The following ZNF7 variants were observed in gnomAD, a reference collection of about 807,000 sequenced individuals.
The protein encoded by ZNF7 is zinc finger protein 7, also known as C2-H2 type zinc finger protein.
In ZNF7, 10 loss-of-function variants were observed where a neutral mutation model predicts 12.0. The ratio of observed to expected loss-of-function variants is 0.83; its 90% confidence interval spans 0.51 to 1.42. ZNF7 has a LOEUF of 1.42. ZNF7 is among the 40% of genes most tolerant of loss of function. ZNF7 has a pLI of 0.00. For missense variants in ZNF7, 854 were observed against 837.2 expected (o/e 1.02, Z -0.25); for synonymous variants, 334 against 295.0 (o/e 1.13, Z -1.35).
In ZNF7 at chr8:144,841,648, T is replaced by TTGG. The variant is rs1829923975; in HGVS notation, c.541_542insTGG (p.Cys181delinsLeuGly). ...GGAGCTGGGAAGCAGCGGCCTGGATTGTCAGCCTCTTGAAAGTCAGGGAGA... is the reference window on the plus strand; with the variant it reads ...GGAGCTGGGAAGCAGCGGCCTGGATTTGGGTCAGCCTCTTGAAAGTCAGGGAGA... On this transcript the variant is annotated protein_altering_variant, in exon 5 of 5. Coordinates refer to ENST00000532777, the MANE Select transcript of ZNF7 (RefSeq NM_003416.4). 6.2e-7 allele frequency: 1 copy of TTGG among 1,614,164 alleles called. No individual in the cohort carries two copies. Among genetic ancestry groups the TTGG allele is most frequent in the Non-Finnish European group, 8.5e-7 (1 of 1,180,012 alleles).
chr8:144,843,206 C>A lies in ZNF7; in HGVS notation c.*38C>A. The A allele has an allele frequency of 6.6e-7, 1 of 1,522,682 alleles. No homozygotes were observed. The allele number at this position is 1,522,682 out of a possible 1,614,324, so 94.3% of individuals were successfully genotyped here. ...TAAATGTGTATATATGTGAATAAAC[C>A]TATAGCCTTAACTTACTTATTTTAT... On this transcript the variant is annotated 3_prime_UTR_variant, in exon 5 of 5. Transcript: ENST00000532777.
At chr8:144,831,030 G>A (rs1025239977) in intron 3 of ZNF7, 5 of 456,212 alleles carry the variant, frequency 1.1e-5, no homozygotes, top group African/African-American at 8.0e-5. Context: ...GCAGCTTTTC[G>A]TAAGTGGTGT....
chr8:144,837,729 A>G (rs923462492), intron 4 of ZNF7, among the ~76,000 whole-genome samples: 5 of 152,152 alleles, frequency 3.3e-5, no homozygotes, highest in East Asian at 1.9e-4. Flanking sequence ...ACAAAAACCC[A>G]TGCATTTCCA....
In ZNF7 at chr8:144,840,252, T is replaced by A. The variant is rs542711019; in HGVS notation, c.248-1103T>A. On this transcript the variant is annotated intron_variant, in intron 4 of 4. Transcript: ENST00000532777. ...GAGATGCCTCCTGTCCTCACAGGCC[T>A]TGAGCATCCCTGCTACACAATGAGG... Among the ~76,000 whole-genome samples the A allele has an allele frequency of 2.0e-5, 3 of 152,330 alleles. No individual in the cohort carries two copies. The East Asian group carries it at 5.8e-4, about 29-fold the overall frequency.
At chr8:144,831,114 C>T (rs941017057) in intron 3 of ZNF7, 4 of 443,456 alleles carry the variant, frequency 9.0e-6, no homozygotes, top group Non-Finnish European at 1.4e-5. Flanking sequence ...ATCTGCTGTG[C>T]CTGTCCTCCT....
At chr8:144,845,567 C>G (rs1830465694), downstream of ZNF7, among the ~76,000 whole-genome samples, 1 of 152,216 alleles carries the variant, frequency 6.6e-6, no homozygotes, top group African/African-American at 2.4e-5. Flanking sequence ...CCTAATCTAA[C>G]AGGCTGGGAC....
chr8:144,846,016 G>T, downstream of ZNF7: 1 of 1,536,502 alleles, frequency 6.5e-7, no homozygotes, highest in Non-Finnish European at 8.7e-7. Context: ...AAGAGCCAAG[G>T]CACCCACATG....
intron 3 of ZNF7, among the ~76,000 whole-genome samples, chr8:144,830,250 G>C (rs926507319): frequency 6.6e-6 from 1 of 152,236 alleles, no homozygotes; most frequent in Non-Finnish European, 1.5e-5. Context: ...CGCGGGCATC[G>C]TTGGTTGGCC....
chr8:144,846,225 A>G (rs764568225), downstream of ZNF7: 7 of 1,511,540 alleles, frequency 4.6e-6, no homozygotes, highest in South Asian at 8.5e-5. Flanking sequence ...CTTTTCACTA[A>G]CAGCAACCAG....
At chr8:144,846,704 CTTCTTTTTTT>C (rs1273191489), downstream of ZNF7, 1 of 153,172 alleles carries the variant, frequency 6.5e-6, no homozygotes, top group South Asian at 2.0e-4. Flanking sequence ...GAGGAGGAGT[CTTCTTTTTTT>C]TTGAGACGGA....
intron 4 of ZNF7, 85 bp downstream of exon 4, chr8:144,837,592 G>A (rs773095199): frequency 1.9e-5 from 19 of 1,016,500 alleles, no homozygotes; most frequent in Non-Finnish European, 2.6e-5. Flanking sequence ...AGCTGTGGGT[G>A]AGTCGCGGGG....
rs182085187 is a variant in ZNF7 at position 144,843,188 on chromosome 8, G to A, written c.*20G>A. ...GGATAGACCACTTACATATAAATGT[G>A]TATATATGTGAATAAACCTATAGCC... On this transcript the variant is annotated 3_prime_UTR_variant, in exon 5 of 5. Coordinates refer to ENST00000532777, the MANE Select transcript of ZNF7 (RefSeq NM_003416.4). 9 of 1,539,744 alleles carry A rather than the reference G, an allele frequency of 5.8e-6. No homozygotes were observed. In the East Asian group the frequency reaches 1.4e-4, roughly 23 times the overall value.
At position 144,843,021 on chromosome 8, in the gene ZNF7, CTGTGAGAAGAT is replaced by C. The variant is rs1563847068; in HGVS notation, c.1915_1925del (p.Cys639IlefsTer2). The C allele has an allele frequency of 6.2e-7, 1 of 1,614,184 alleles. No individual in the cohort carries two copies. Among genetic ancestry groups the C allele is most frequent in the South Asian group, 1.1e-5 (1 of 91,084 alleles). On this transcript the variant is annotated frameshift_variant, in exon 5 of 5. Transcript: ENST00000532777. LOFTEE classifies it low-confidence loss of function (END_TRUNC). The stretch of plus-strand genomic sequence containing the variant: ...TAAAGAAACTGCATCAGTGTGAAGA[CTGTGAGAAGAT>C]ATTTAGGTGGCGTTCACACCTAATT...
intron 2 of ZNF7, 175 bp from the exon 3 acceptor site, chr8:144,829,303 C>T (rs1735156): frequency 5.8e-5 from 89 of 1,537,192 alleles, no homozygotes; most frequent in Non-Finnish European, 7.5e-5. Flanking sequence ...CCACCATGGA[C>T]TGGGTTCCTT....
At position 144,843,551 on chromosome 8, in the gene ZNF7, GC is replaced by G. The variant is rs1830280875; in HGVS notation, c.*384del. On this transcript the variant is annotated 3_prime_UTR_variant, in exon 5 of 5. Coordinates refer to ENST00000532777, the MANE Select transcript of ZNF7 (RefSeq NM_003416.4). The stretch of plus-strand genomic sequence containing the variant: ...TGCAGTGAGCTGAGATCGCGCCACT[GC>G]ACTCCAGCCTGGGTGACAGAGTGAG... 1 of 142,110 alleles carries G rather than the reference GC, an allele frequency of 7.0e-6. No individual in the cohort carries two copies. The highest frequency in any genetic ancestry group is 1.5e-5 in the Non-Finnish European group (1 of 68,834). 8.8% of individuals were successfully genotyped at this position (142,110 alleles called of 1,614,324 possible).
At chr8:144,830,757 G>C (rs1828351739) in intron 3 of ZNF7, among the ~76,000 whole-genome samples, 3 of 147,832 alleles carry the variant, frequency 2.0e-5, no homozygotes, top group Admixed American at 2.0e-4. Context: ...ATTTTGAGAT[G>C]GAGTCTTGCC....
At chr8:144,841,263 T>C in intron 4 of ZNF7, 92 bp from the exon 5 acceptor site, 1 of 1,331,628 alleles carries the variant, frequency 7.5e-7, no homozygotes, top group Non-Finnish European at 1.0e-6. Flanking sequence ...GCAACTATCC[T>C]GGGAGCCTTG....
In ZNF7 at chr8:144,837,345, A is replaced by G. The variant is rs552366539; in HGVS notation, c.131-46A>G. The G allele has an allele frequency of 1.6e-5, 25 of 1,522,746 alleles. No individual in the cohort carries two copies. The South Asian group carries it at 2.4e-4, about 14-fold the overall frequency. 94.3% of individuals were successfully genotyped at this position (1,522,746 alleles called of 1,614,324 possible). ...GGGAAGACTTAGCCCTGTGCTGCAC[A>G]CTTCCCGTCATGCTGACACTGTTGT... is the stretch of plus-strand genomic sequence containing the variant. On this transcript the variant is annotated intron_variant, in intron 3 of 4. Coordinates refer to ENST00000532777, the MANE Select transcript of ZNF7 (RefSeq NM_003416.4).
intron 1 of ZNF7, chr8:144,828,807 T>A: frequency 1.7e-6 from 1 of 575,542 alleles, no homozygotes; most frequent in Non-Finnish European, 3.1e-6. Flanking sequence ...CATCCACTTC[T>A]TACGGCTTTG....
Sources: gnomAD v4.1 joint callset for allele counts (sites outside exome capture counted in the v4.1 genomes callset) on GRCh38, gnomAD v4.1.1 for gene constraint, MANE v1.5 for transcripts, NCBI Gene and HGNC (gene_info 2026-07-23, HGNC 2026-07-21) for gene names.